The following TP63 variants were observed in gnomAD, a reference collection of about 807,000 sequenced individuals.
TP63 encodes tumor protein p63.
A neutral mutation model predicts 82.8 loss-of-function variants in TP63; 17 were observed. The observed-to-expected ratio is 0.21, with a 90% CI of 0.14 to 0.31. The LOEUF (loss-of-function observed/expected upper bound fraction) is 0.31, where lower values mean the gene tolerates loss of function less well. Ranked by LOEUF, TP63 falls within the 10% of genes least tolerant of loss-of-function variation. The pLI is 1.00. For missense variants in TP63, 648 were observed against 895.3 expected, an observed-to-expected ratio of 0.72 and a Z score of 3.52; for synonymous variants, 330 against 321.7, an observed-to-expected ratio of 1.03 and a Z score of -0.28.
At chr3:189,855,702 G>GTGTGTGTGTGTGTATGTA (rs766092303) in intron 4 of TP63, among the ~76,000 whole-genome samples, 1 of 150,896 alleles carries the variant, frequency 6.6e-6, no homozygotes, top group Non-Finnish European at 1.5e-5. Flanking sequence ...GTGTATATAT[G>GTGTGTGTGTGTGTATGTA]TGTGTGTGTG....
chr3:189,754,153 A>T (rs1285984746), intron 3 of TP63, among the ~76,000 whole-genome samples: 4 of 152,156 alleles, frequency 2.6e-5, no homozygotes, highest in Admixed American at 6.5e-5. Context: ...AGAGAACTGC[A>T]TGCACCTCTT....
At chr3:189,816,454 G>A (rs541376956) in intron 4 of TP63, among the ~76,000 whole-genome samples, 188 of 152,162 alleles carry the variant, frequency 1.2e-3, no homozygotes, top group Middle Eastern at 6.8e-3. Context: ...GTTCCTACCC[G>A]CTTTGGTAAA....
chr3:189,895,092 T>G lies in TP63; in HGVS notation c.*590T>G. The G allele has an allele frequency of 4.5e-6, 1 of 221,806 alleles. No individual in the cohort carries two copies. Among genetic ancestry groups the G allele is most frequent in the Non-Finnish European group, 9.0e-6 (1 of 110,710 alleles). The allele number at this position is 221,806 out of a possible 1,614,324, so 13.7% of individuals were successfully genotyped here. A position where few individuals can be genotyped will look rare whatever the true frequency, so the allele number is the denominator to read the frequency against. ...CTTTGGATTCTAAATACATGCCACATCAAACCTTTGAGTAGATCCATTTCC... is the reference window on the plus strand; with the variant it reads ...CTTTGGATTCTAAATACATGCCACAGCAAACCTTTGAGTAGATCCATTTCC... On this transcript the variant is annotated 3_prime_UTR_variant, in exon 14 of 14. Transcript: ENST00000264731.
At chr3:189,662,363 A>G (rs1161844170) in intron 1 of TP63, among the ~76,000 whole-genome samples, 1 of 151,912 alleles carries the variant, frequency 6.6e-6, no homozygotes, top group Non-Finnish European at 1.5e-5. Flanking sequence ...TTTCCATGTA[A>G]ATTGCCTAGT....
chr3:189,790,535 A>G (rs1246233082), intron 3 of TP63, among the ~76,000 whole-genome samples: 2 of 151,992 alleles, frequency 1.3e-5, no homozygotes, highest in African/African-American at 4.8e-5. Context: ...TGCATTTCTG[A>G]TCTCTTCTCA....
chr3:189,662,264 T>C (rs1200818837), intron 1 of TP63, among the ~76,000 whole-genome samples: 1 of 152,076 alleles, frequency 6.6e-6, no homozygotes, highest in African/African-American at 2.4e-5. Flanking sequence ...GTATGCAGTG[T>C]TTCTGTTTTT....
chr3:189,794,371 A>G (rs1352124881), intron 3 of TP63, among the ~76,000 whole-genome samples: 1 of 152,104 alleles, frequency 6.6e-6, no homozygotes, highest in Non-Finnish European at 1.5e-5. Flanking sequence ...GCAAGATAAT[A>G]TAAAGCATCA....
chr3:189,600,949 A>G, the TP63 span, among the ~76,000 whole-genome samples: 1 of 152,234 alleles, frequency 6.6e-6, no homozygotes, highest in African/African-American at 2.4e-5. Flanking sequence ...TCTTTGCTAT[A>G]TAGAGAAACT....
chr3:189,638,271 C>T (rs920268829), intron 1 of TP63, among the ~76,000 whole-genome samples: 6 of 152,066 alleles, frequency 3.9e-5, no homozygotes, highest in Non-Finnish European at 7.4e-5. Flanking sequence ...TTTAACTAAA[C>T]CTTCCCATGA....
At chr3:189,813,846 C>G (rs1008097941) in intron 4 of TP63, among the ~76,000 whole-genome samples, 8 of 152,196 alleles carry the variant, frequency 5.3e-5, no homozygotes, top group Non-Finnish European at 1.5e-5. Context: ...CAGGAGCCCT[C>G]AATTCTGACT....
intron 1 of TP63, among the ~76,000 whole-genome samples, chr3:189,647,195 G>C (rs1712491483): frequency 1.4e-5 from 2 of 146,568 alleles, no homozygotes. Flanking sequence ...CCGGTAAGGA[G>C]GGTTGCTATA....
intron 1 of TP63, among the ~76,000 whole-genome samples, chr3:189,722,461 G>A (rs928529490): frequency 6.6e-6 from 1 of 152,224 alleles, no homozygotes; most frequent in African/African-American, 2.4e-5. Context: ...GGGCCTTAGA[G>A]CTCAGGGGAA....
intron 1 of TP63, among the ~76,000 whole-genome samples, chr3:189,660,489 G>A (rs1298672579): frequency 6.6e-6 from 1 of 151,852 alleles, no homozygotes; most frequent in African/African-American, 2.4e-5. Context: ...TTTAAAGTTG[G>A]GTAATGTGAT....
intron 3 of TP63, among the ~76,000 whole-genome samples, chr3:189,776,317 C>G (rs893570927): frequency 6.6e-6 from 1 of 152,132 alleles, no homozygotes; most frequent in African/African-American, 2.4e-5. Context: ...TTTGGAACAC[C>G]GTGTTTCCCT....
rs942073388 is a variant in TP63, at chr3:189,657,311, TA to T, written c.62+25740del. Among the ~76,000 whole-genome samples the T allele has an allele frequency of 2.0e-5, 3 of 151,998 alleles. No individual in the cohort carries two copies. In the East Asian group the frequency reaches 5.8e-4, roughly 29 times the overall value. ...TCAAAACCAAGAGACCATTACGGCA[TA>T]AAAAATGAACCTCAATGTATATAAA... On this transcript the variant is annotated intron_variant, in intron 1 of 13. Transcript: ENST00000264731.
At chr3:189,880,525 GTCT>G (rs971365699) in intron 10 of TP63, 26 of 994,194 alleles carry the variant, frequency 2.6e-5, no homozygotes, top group African/African-American at 1.4e-4. Flanking sequence ...ACCCTTTTCT[GTCT>G]TCTTCTGTTG....
At chr3:189,858,089 T>C (rs1316635483) in intron 4 of TP63, among the ~76,000 whole-genome samples, 2 of 152,204 alleles carry the variant, frequency 1.3e-5, no homozygotes, top group African/African-American at 2.4e-5. Context: ...TAAGTGTCCA[T>C]CAAAGGATAA....
intron 5 of TP63, among the ~76,000 whole-genome samples, chr3:189,866,102 T>C (rs1717689230): frequency 6.6e-6 from 1 of 152,224 alleles, no homozygotes; most frequent in East Asian, 1.9e-4. Flanking sequence ...CAGTCTCTTT[T>C]TTAAAATTGC....
intron 10 of TP63, among the ~76,000 whole-genome samples, chr3:189,875,615 T>TATATATATATAC: frequency 9.1e-6 from 1 of 110,386 alleles, no homozygotes; most frequent in African/African-American, 3.9e-5. Context: ...TATATATATA[T>TATATATATATAC]ATATATATAT....
Sources: gnomAD v4.1 joint callset for allele counts (sites outside exome capture counted in the v4.1 genomes callset) on GRCh38, gnomAD v4.1.1 for gene constraint, MANE v1.5 for transcripts, NCBI Gene and HGNC (gene_info 2026-07-23, HGNC 2026-07-21) for gene names.